Variants in ABHD12B observed in about 807,000 individuals in gnomAD.
ABHD12B encodes abhydrolase domain containing 12B, also known as protein ABHD12B.
ABHD12B carries 42 observed loss-of-function variants against 50.4 expected under a neutral mutation model. The ratio of observed to expected loss-of-function variants is 0.83; its 90% CI spans 0.65 to 1.08. The LOEUF (loss-of-function observed/expected upper bound fraction) is 1.08. Ranked by LOEUF, ABHD12B falls within the 50% of genes least tolerant of loss-of-function variation. ABHD12B has a pLI of 0.00. For synonymous variants in ABHD12B, 167 were observed against 160.3 expected, an observed-to-expected ratio of 1.04 and a Z score of -0.32; for missense variants, 479 against 447.7, an observed-to-expected ratio of 1.07 and a Z score of -0.63.
rs1006745458 is a variant in ABHD12B, at chr14:50,896,872, C to T, written c.781-4957C>T. 3.3e-5 allele frequency among the ~76,000 whole-genome samples: 5 copies of T among 152,124 alleles called. No individual in the cohort carries two copies. The South Asian group carries it at 6.2e-4, about 19-fold the overall frequency. On this transcript the variant is annotated intron_variant, in intron 9 of 12. Coordinates refer to ENST00000337334, the MANE Select transcript of ABHD12B (RefSeq NM_001206673.2). ...CTGTTTGGTGGTCTCTTCACACAGA[C>T]GCGCATGAAAAAATTTTGTCTATTG...
chr14:50,891,127 G>C (rs1286297244), intron 9 of ABHD12B: 1 of 151,904 alleles, frequency 6.6e-6, no homozygotes, highest in East Asian at 1.9e-4. Context: ...CTTTTTATTT[G>C]TTGAATTTCT....
rs1238494080 is a variant in ABHD12B, at chr14:50,901,729, G to GTTTA, written c.781-100_781-99insTTTA. The stretch of plus-strand genomic sequence containing the variant: ...TGTGAAGTTTACCTTACTTAGAGAA[G>GTTTA]CACTACTCTCTGTGTTACCCTGGTT... On this transcript the variant is annotated intron_variant, in intron 9 of 12. Coordinates refer to ENST00000337334, the MANE Select transcript of ABHD12B (RefSeq NM_001206673.2). 94 of 634,102 alleles carry GTTTA rather than the reference G, an allele frequency of 1.5e-4. 1 individual carries two copies. Among genetic ancestry groups the GTTTA allele is most frequent in the Middle Eastern group, 9.4e-4 (2 of 2,120 alleles). The allele number at this position is 634,102 out of a possible 1,614,324, so 39.3% of individuals were successfully genotyped here.
chr14:50,901,355 T>C (rs191699300), intron 9 of ABHD12B, among the ~76,000 whole-genome samples: 1 of 152,380 alleles, frequency 6.6e-6, no homozygotes, highest in East Asian at 1.9e-4. Context: ...CTAAAATGTC[T>C]TTTAAGGCAT....
At position 50,882,373 on chromosome 14, in the gene ABHD12B, C is replaced by CTTTTTTTTTTTTTTTTT. The variant is rs386381352; in HGVS notation, c.486+752_486+768dup. ...ATAGGCTAAAGACACAGAATGTCTG[C>CTTTTTTTTTTTTTTTTT]TTTTTTTTTTTTTTTTTTTTTGAGA... On this transcript the variant is annotated intron_variant, in intron 5 of 12. Transcript: ENST00000337334. Among the ~76,000 whole-genome samples, 43 of 81,830 alleles carry CTTTTTTTTTTTTTTTTT rather than the reference C, an allele frequency of 5.3e-4. 6 individuals are homozygous for CTTTTTTTTTTTTTTTTT. Among genetic ancestry groups the CTTTTTTTTTTTTTTTTT allele is most frequent in the African/African-American group, 1.7e-3 (32 of 19,314 alleles). The allele number at this position is 81,830 out of a possible 152,430, so 53.7% of individuals were successfully genotyped here. A position where few individuals can be genotyped will look rare whatever the true frequency, so the allele number is the denominator to read the frequency against.
intron 9 of ABHD12B, chr14:50,892,498 G>A (rs546941372): frequency 1.4e-4 from 135 of 985,408 alleles, no homozygotes; most frequent in Middle Eastern, 5.2e-4. Flanking sequence ...GGAGGATGGC[G>A]TAACCTCTTA....
chr14:50,900,262 ATAAG>A (rs990277361), intron 9 of ABHD12B, among the ~76,000 whole-genome samples: 4 of 152,210 alleles, frequency 2.6e-5, no homozygotes, highest in African/African-American at 7.2e-5. Flanking sequence ...AATAAATAAA[ATAAG>A]TAATATCTGA....
chr14:50,900,075 C>CA (rs144854071), intron 9 of ABHD12B, among the ~76,000 whole-genome samples: 4 of 151,640 alleles, frequency 2.6e-5, no homozygotes, highest in African/African-American at 9.7e-5. Flanking sequence ...CCCTTCTGTA[C>CA]AAAAAAATTA....
At chr14:50,885,159 C>T (rs1219836499) in intron 5 of ABHD12B, among the ~76,000 whole-genome samples, 2 of 152,190 alleles carry the variant, frequency 1.3e-5, no homozygotes, top group Non-Finnish European at 2.9e-5. Flanking sequence ...CCTGCTCAGC[C>T]TTCCTGCTCT....
intron 3 of ABHD12B, among the ~76,000 whole-genome samples, chr14:50,879,486 G>A (rs1276858193): frequency 1.3e-5 from 2 of 152,158 alleles, no homozygotes; most frequent in Admixed American, 6.6e-5. Context: ...TGTCAGATGA[G>A]GTCATGAACA....
intron 9 of ABHD12B, among the ~76,000 whole-genome samples, chr14:50,889,629 T>A (rs1206266915): frequency 1.3e-5 from 2 of 152,252 alleles, no homozygotes; most frequent in Non-Finnish European, 2.9e-5. Context: ...AGAGTGAGAC[T>A]TCGTCTCAAA....
intron 3 of ABHD12B, among the ~76,000 whole-genome samples, chr14:50,880,018 AGT>A (rs1400678758): frequency 5.3e-5 from 8 of 152,228 alleles, no homozygotes; most frequent in African/African-American, 1.9e-4. Context: ...AAAATAGTTT[AGT>A]GTTTTAGTTC....
rs386381352 is a variant in ABHD12B, at chr14:50,882,373, CTT to C, written c.486+767_486+768del. On this transcript the variant is annotated intron_variant, in intron 5 of 12. Transcript: ENST00000337334. ...ATAGGCTAAAGACACAGAATGTCTG[CTT>C]TTTTTTTTTTTTTTTTTTTGAGACG... 9.1e-3 allele frequency among the ~76,000 whole-genome samples: 744 copies of C among 81,776 alleles called. 2 individuals are homozygous for C. The highest frequency in any genetic ancestry group is 0.034 in the African/African-American group (664 of 19,270). 53.6% of individuals were successfully genotyped at this position (81,776 alleles called of 152,430 possible). A position where few individuals can be genotyped will look rare whatever the true frequency, so the allele number is the denominator to read the frequency against.
chr14:50,880,474 G>C lies in ABHD12B; in HGVS notation c.358G>C (p.Gly120Arg). ...CAGGCACACAGTCCCCAGCTGCCGGGGGGAAGATGCCAAGGGGAAGGACTG... is the reference window on the plus strand; with the variant it reads ...CAGGCACACAGTCCCCAGCTGCCGGCGGGAAGATGCCAAGGGGAAGGACTG... ...GIWHTVPSCR[G>R]EDAKGKDCCW... The change falls in exon 4 of 13, where the codon GGG becomes CGG. Residue 120 changes from glycine (G) to arginine (R), a missense_variant. Transcript: ENST00000337334. 1 of 1,609,798 alleles carries C rather than the reference G, an allele frequency of 6.2e-7. No individual in the cohort carries two copies. Among genetic ancestry groups the C allele is most frequent in the Non-Finnish European group, 8.5e-7 (1 of 1,178,030 alleles).
At chr14:50,879,044 G>T (rs745799382) in intron 3 of ABHD12B, among the ~76,000 whole-genome samples, 197 bp downstream of exon 3, 13 of 152,158 alleles carry the variant, frequency 8.5e-5, no homozygotes, top group Non-Finnish European at 1.2e-4. Flanking sequence ...TAGACATTTA[G>T]GTGTTGCCCT....
intron 9 of ABHD12B, among the ~76,000 whole-genome samples, chr14:50,898,160 C>A (rs1333512006): frequency 6.6e-6 from 1 of 152,194 alleles, no homozygotes; most frequent in African/African-American, 2.4e-5. Context: ...ACAAGTCTTT[C>A]GCACTCGTTA....
intron 1 of ABHD12B, 114 bp downstream of exon 1, chr14:50,872,392 C>A: frequency 2.7e-6 from 2 of 734,104 alleles, no homozygotes; most frequent in Non-Finnish European, 3.7e-6. Flanking sequence ...GGCCCGGGCC[C>A]AAGGCCCAGC....
At chr14:50,902,514 A>G (rs1018446722) in intron 10 of ABHD12B, among the ~76,000 whole-genome samples, 1 of 152,114 alleles carries the variant, frequency 6.6e-6, no homozygotes, top group African/African-American at 2.4e-5. Context: ...CCAGCCTAAC[A>G]TTTCTTGAGG....
chr14:50,888,385 G>T (rs1240763701), intron 8 of ABHD12B, among the ~76,000 whole-genome samples: 1 of 152,028 alleles, frequency 6.6e-6, no homozygotes, highest in Non-Finnish European at 1.5e-5. Context: ...TGTATTTTTA[G>T]TAGAGATGGG....
chr14:50,899,661 G>T (rs984228041), intron 9 of ABHD12B, among the ~76,000 whole-genome samples: 4 of 152,004 alleles, frequency 2.6e-5, no homozygotes, highest in African/African-American at 9.7e-5. Flanking sequence ...TTATTGCAAA[G>T]ATTTGTAATC....
Sources: gnomAD v4.1 joint callset for allele counts (sites outside exome capture counted in the v4.1 genomes callset) on GRCh38, gnomAD v4.1.1 for gene constraint, MANE v1.5 for transcripts, NCBI Gene and HGNC (gene_info 2026-07-23, HGNC 2026-07-21) for gene names.